ASB18: variants seen among roughly 807,000 people sequenced by gnomAD.
ASB18 encodes the protein ankyrin repeat and SOCS box containing 18.
In ASB18, 33 loss-of-function variants were observed where a neutral mutation model predicts 33.4. The ratio of observed to expected loss-of-function variants is 0.99; its 90% confidence interval spans 0.75 to 1.32. The LOEUF (loss-of-function observed/expected upper bound fraction) is 1.32. Ranked by LOEUF, ASB18 falls within the 40% of genes most tolerant of loss-of-function variation. The pLI, the probability that ASB18 is intolerant of heterozygous loss-of-function variation, is 0.00. For synonymous variants in ASB18, 295 were observed against 307.6 expected, an observed-to-expected ratio of 0.96 and a Z score of 0.43; for missense variants, 694 against 655.5, an observed-to-expected ratio of 1.06 and a Z score of -0.64.
chr2:236,195,988 C>T lies in ASB18; in HGVS notation c.1215+284G>A, dbSNP rs2060370533. 4.5e-6 allele frequency: 2 copies of T among 443,046 alleles called. No individual in the cohort carries two copies. The highest frequency in any genetic ancestry group is 4.9e-5 in the East Asian group (1 of 20,556). 27.4% of individuals were successfully genotyped at this position (443,046 alleles called of 1,614,324 possible). On this transcript the variant is annotated intron_variant, in intron 5 of 5. Coordinates refer to ENST00000409749, the MANE Select transcript of ASB18 (RefSeq NM_212556.4). The surrounding 1 kb of genome is among the most constrained non-coding windows in gnomAD (Gnocchi z 5.5). ...GCCCGTGGATTCAGGCGGCTCTGGC[C>T]TTTCTTTGGACACTGGTTAAGGAAC...
At chr2:236,240,809 C>T (rs2060617966) in intron 2 of ASB18, among the ~76,000 whole-genome samples, 1 of 152,232 alleles carries the variant, frequency 6.6e-6, no homozygotes, top group Non-Finnish European at 1.5e-5. Flanking sequence ...GGAGGAGGAT[C>T]TACAGAGAGT....
chr2:236,261,673 A>G (rs896502198), intron 1 of ASB18, among the ~76,000 whole-genome samples: 2 of 152,206 alleles, frequency 1.3e-5, no homozygotes, highest in African/African-American at 2.4e-5. Context: ...GTACATGTGT[A>G]TGTGTCAGTC....
rs2060494926 is a variant in ASB18 at position 236,217,913 on chromosome 2, A to T, written c.597-3047T>A. Among the ~76,000 whole-genome samples, 1 of 152,218 alleles carries T rather than the reference A, an allele frequency of 6.6e-6. No individual in the cohort carries two copies. Among genetic ancestry groups the T allele is most frequent in the Non-Finnish European group, 1.5e-5 (1 of 68,036 alleles). ...CTCTGGGAGGAATTTTGAACAGTGC[A>T]GCAGGACGTTAGAAATCAAGGGTTC... On this transcript the variant is annotated intron_variant, in intron 3 of 5. Transcript: ENST00000409749. The surrounding 1 kb of genome is among the most constrained non-coding windows in gnomAD (Gnocchi z 5.2).
At position 236,218,340 on chromosome 2, in the gene ASB18, C is replaced by T. The variant is rs117190064; in HGVS notation, c.597-3474G>A. On this transcript the variant is annotated intron_variant, in intron 3 of 5. Transcript: ENST00000409749. ...AAGAAACAACAAATTGACTGGGGCA[C>T]GTCTGCTGGTACACGGTGGCAGTCA... Among the ~76,000 whole-genome samples the T allele has an allele frequency of 1.1e-3, 170 of 152,274 alleles. 3 individuals carry two copies. In the East Asian group the frequency reaches 0.029, roughly 26 times the overall value.
intron 1 of ASB18, among the ~76,000 whole-genome samples, chr2:236,246,719 T>C (rs989416981): frequency 1.8e-4 from 28 of 152,208 alleles, no homozygotes; most frequent in African/African-American, 6.8e-4. Flanking sequence ...TGGGCTTCAG[T>C]CTCATCTCCT....
rs1343748909 is a variant in ASB18, at chr2:236,239,687, G to T, written c.328+1593C>A. ...GCATTCTATCACGGAGGGGCACCGA[G>T]GTGGTGGCCACTGGGGACCTGCTCC... On this transcript the variant is annotated intron_variant, in intron 2 of 5. Transcript: ENST00000409749. The surrounding 1 kb of genome is among the most constrained non-coding windows in gnomAD (Gnocchi z 5.6). Among the ~76,000 whole-genome samples, 1 of 152,256 alleles carries T rather than the reference G, an allele frequency of 6.6e-6. No individual in the cohort carries two copies. The highest frequency in any genetic ancestry group is 1.5e-5 in the Non-Finnish European group (1 of 68,044).
At chr2:236,232,135 A>G (rs1406218873) in intron 3 of ASB18, among the ~76,000 whole-genome samples, 3 of 152,168 alleles carry the variant, frequency 2.0e-5, no homozygotes, top group African/African-American at 7.2e-5. Flanking sequence ...GTAAATTTAA[A>G]AAGGACTAAA....
Position 236,245,398 on chromosome 2 carries a change from G to A in ASB18, c.206-3996C>T, listed in dbSNP as rs1454375316. 6.6e-6 allele frequency among the ~76,000 whole-genome samples: 1 copy of A among 152,192 alleles called. No homozygotes were observed. The highest frequency in any genetic ancestry group is 2.4e-5 in the African/African-American group (1 of 41,438). ...CTCAAGATTTCTGAATCCTGACATA[G>A]CCAGTGCCCAAGCACCTTCCCGTGA... On this transcript the variant is annotated intron_variant, in intron 1 of 5. Transcript: ENST00000409749. This position sits in a 1 kb window ranked among gnomAD's most constrained non-coding sequence, Gnocchi z 4.7.
rs1019415293 is a variant in ASB18 at position 236,228,365 on chromosome 2, G to A, written c.596+9324C>T. Among the ~76,000 whole-genome samples the A allele has an allele frequency of 5.9e-5, 9 of 152,106 alleles. No homozygotes were observed. The highest frequency in any genetic ancestry group is 1.3e-4 in the Admixed American group (2 of 15,282). On this transcript the variant is annotated intron_variant, in intron 3 of 5. Transcript: ENST00000409749. This position sits in a 1 kb window ranked among gnomAD's most constrained non-coding sequence, Gnocchi z 5.1. Reference sequence around the variant, plus strand: ...GCCTGGTGAGCTGAGTGGAGGAGACGGCACTGGAAGTCTAGGGATGCCAGG... The same window carrying A: ...GCCTGGTGAGCTGAGTGGAGGAGACAGCACTGGAAGTCTAGGGATGCCAGG...
chr2:236,206,278 TG>T (rs1174982504), intron 4 of ASB18, among the ~76,000 whole-genome samples: 2 of 152,154 alleles, frequency 1.3e-5, no homozygotes, highest in Non-Finnish European at 2.9e-5. Context: ...ACAATTCAGA[TG>T]ATTAGTTTAA....
At position 236,200,331 on chromosome 2, in the gene ASB18, A is replaced by G. The variant is rs1168680042; in HGVS notation, c.1102-3946T>C. Among the ~76,000 whole-genome samples the G allele has an allele frequency of 6.6e-6, 1 of 152,226 alleles. No homozygotes were observed. The highest frequency in any genetic ancestry group is 1.5e-5 in the Non-Finnish European group (1 of 68,046). On this transcript the variant is annotated intron_variant, in intron 4 of 5. Coordinates refer to ENST00000409749, the MANE Select transcript of ASB18 (RefSeq NM_212556.4). The surrounding 1 kb of genome is among the most constrained non-coding windows in gnomAD (Gnocchi z 4.2). ...GCCACTGCACTCCAGCCTGGGCGAC[A>G]GAGCAAGACTCCGTCTAAAAAAAAA...
Position 236,215,320 on chromosome 2 carries a change from G to A in ASB18, c.597-454C>T, listed in dbSNP as rs891582006. On this transcript the variant is annotated intron_variant, in intron 3 of 5. Transcript: ENST00000409749. This position sits in a 1 kb window ranked among gnomAD's most constrained non-coding sequence, Gnocchi z 7.2. ...CCTTCTGGAAACCGCTCAGCTTTGTGAGGGTGTGAGGCAAGCCTTGCCTTG... is the reference window on the plus strand; with the variant it reads ...CCTTCTGGAAACCGCTCAGCTTTGTAAGGGTGTGAGGCAAGCCTTGCCTTG... 1.1e-4 allele frequency among the ~76,000 whole-genome samples: 16 copies of A among 152,126 alleles called. No homozygotes were observed. The highest frequency in any genetic ancestry group is 3.9e-4 in the African/African-American group (16 of 41,418).
rs144852738 is a variant in ASB18 at position 236,224,124 on chromosome 2, C to T, written c.597-9258G>A. 9.3e-5 allele frequency among the ~76,000 whole-genome samples: 14 copies of T among 150,910 alleles called. No individual in the cohort carries two copies. The East Asian group carries it at 2.5e-3, about 27-fold the overall frequency. On this transcript the variant is annotated intron_variant, in intron 3 of 5. Coordinates refer to ENST00000409749, the MANE Select transcript of ASB18 (RefSeq NM_212556.4). ...TCCAAAGAGATATCATTTTACCCACCCAAAACTATGTATGAAAGTTCTAGT... is the reference window on the plus strand; with the variant it reads ...TCCAAAGAGATATCATTTTACCCACTCAAAACTATGTATGAAAGTTCTAGT...
intron 4 of ASB18, among the ~76,000 whole-genome samples, chr2:236,202,796 T>A (rs28733197): frequency 0.024 from 2,434 of 102,996 alleles, 63 homozygotes; most frequent in East Asian, 0.12. Context: ...AAAAAAAAAA[T>A]ATATATATAT....
Position 236,241,013 on chromosome 2 carries a change from A to G in ASB18, c.328+267T>C, listed in dbSNP as rs973371292. Among the ~76,000 whole-genome samples the G allele has an allele frequency of 2.0e-5, 3 of 152,038 alleles. No individual in the cohort carries two copies. Among genetic ancestry groups the G allele is most frequent in the Non-Finnish European group, 4.4e-5 (3 of 67,984 alleles). ...CACGGGCAGCTCCACACCTAAACCA[A>G]TGCTCCTTTGTAAAGACAAGAGGCA... On this transcript the variant is annotated intron_variant, in intron 2 of 5. Transcript: ENST00000409749. The surrounding 1 kb of genome is among the most constrained non-coding windows in gnomAD (Gnocchi z 4.2).
intron 4 of ASB18, among the ~76,000 whole-genome samples, chr2:236,212,907 G>C (rs2060465704): frequency 6.6e-6 from 1 of 152,212 alleles, no homozygotes; most frequent in Non-Finnish European, 1.5e-5. Context: ...TGGGATTACA[G>C]GTGTGAGTCA....
rs2060609641 is a variant in ASB18 at position 236,239,082 on chromosome 2, T to C, written c.329-1126A>G. ...GAGGCCCCAGGGACATGGACCTGCA[T>C]GGGTTTGAGCTGCCCTTCCCAGTGA... is the stretch of plus-strand genomic sequence containing the variant. On this transcript the variant is annotated intron_variant, in intron 2 of 5. Coordinates refer to ENST00000409749, the MANE Select transcript of ASB18 (RefSeq NM_212556.4). The surrounding 1 kb of genome is among the most constrained non-coding windows in gnomAD (Gnocchi z 5.6). Among the ~76,000 whole-genome samples the C allele has an allele frequency of 6.6e-6, 1 of 152,122 alleles. No individual in the cohort carries two copies. Among genetic ancestry groups the C allele is most frequent in the African/African-American group, 2.4e-5 (1 of 41,428 alleles).
intron 1 of ASB18, among the ~76,000 whole-genome samples, chr2:236,243,164 A>T (rs1315561216): frequency 6.6e-6 from 1 of 151,344 alleles, no homozygotes; most frequent in Non-Finnish European, 1.5e-5. Flanking sequence ...CCCCGTCTCT[A>T]CTAAAAATAC....
rs1430930523 is a variant in ASB18, at chr2:236,195,357, A to G, written c.1216-300T>C. The stretch of plus-strand genomic sequence containing the variant: ...CATCCTCTTTGCACAGCAGCCCTAC[A>G]GCTCCGGGGTGGCCCTGTTCATCTC... On this transcript the variant is annotated intron_variant, in intron 5 of 5. Coordinates refer to ENST00000409749, the MANE Select transcript of ASB18 (RefSeq NM_212556.4). The surrounding 1 kb of genome is among the most constrained non-coding windows in gnomAD (Gnocchi z 5.5). Among the ~76,000 whole-genome samples, 1 of 152,016 alleles carries G rather than the reference A, an allele frequency of 6.6e-6. No individual in the cohort carries two copies. The highest frequency in any genetic ancestry group is 1.5e-5 in the Non-Finnish European group (1 of 67,992).
Sources: gnomAD v4.1 joint callset for allele counts (sites outside exome capture counted in the v4.1 genomes callset) on GRCh38, gnomAD v4.1.1 for gene constraint, Gnocchi (gnomAD v3.1) non-coding constraint, MANE v1.5 for transcripts, NCBI Gene and HGNC (gene_info 2026-07-23, HGNC 2026-07-21) for gene names.